KCTD16: variants seen among roughly 807,000 people sequenced by gnomAD.
KCTD16 encodes the protein BTB/POZ domain-containing protein KCTD16.
Under a neutral mutation model 33.2 loss-of-function variants are expected in KCTD16, and 13 were observed. That is an observed-to-expected ratio of 0.39 (90% CI 0.25 to 0.62). The LOEUF (loss-of-function observed/expected upper bound fraction) is 0.62, where lower values mean the gene tolerates loss of function less well. Among genes scored for constraint, KCTD16 ranks in the 20% least tolerant of loss-of-function variants. The probability of loss-of-function intolerance (pLI) is 0.50; values close to 1 mark genes in which losing one functional copy is unlikely to be tolerated. For missense variants in KCTD16, 441 were observed against 525.1 expected (o/e 0.84, Z 1.57); for synonymous variants, 197 against 195.3 (o/e 1.01, Z -0.07).
At chr5:144,339,562 T>C (rs1363562802) in intron 3 of KCTD16, among the ~76,000 whole-genome samples, 1 of 152,192 alleles carries the variant, frequency 6.6e-6, no homozygotes, top group Non-Finnish European at 1.5e-5. Context: ...TATGTTATTC[T>C]TTCTCCATAA....
At chr5:144,392,254 C>T (rs1157160298) in intron 3 of KCTD16, among the ~76,000 whole-genome samples, 2 of 152,058 alleles carry the variant, frequency 1.3e-5, no homozygotes, top group Non-Finnish European at 2.9e-5. Context: ...CCCATGAATT[C>T]AGGAAACATA....
chr5:144,442,909 G>T (rs563188405), intron 3 of KCTD16, among the ~76,000 whole-genome samples: 4 of 152,072 alleles, frequency 2.6e-5, no homozygotes, highest in South Asian at 2.1e-4. Context: ...TGTTGTTGTT[G>T]TTTTTTCCTT....
At chr5:144,384,281 C>T (rs1240046808) in intron 3 of KCTD16, 1 of 152,108 alleles carries the variant, frequency 6.6e-6, no homozygotes, top group Non-Finnish European at 1.5e-5. Context: ...ACTTCTTTGG[C>T]ACCCTTATAG....
intron 3 of KCTD16, among the ~76,000 whole-genome samples, chr5:144,356,187 G>T (rs1722290701): frequency 6.6e-6 from 1 of 152,124 alleles, no homozygotes; most frequent in Admixed American, 6.6e-5. Context: ...GCCTGGCTAT[G>T]TTTATTTTAC....
intron 3 of KCTD16, among the ~76,000 whole-genome samples, chr5:144,233,071 G>A (rs1190041311): frequency 6.6e-6 from 1 of 151,964 alleles, no homozygotes; most frequent in Non-Finnish European, 1.5e-5. Context: ...GGAAAACATG[G>A]AATTTTTTTT....
At chr5:144,386,147 T>G (rs1176095528) in intron 3 of KCTD16, among the ~76,000 whole-genome samples, 1 of 152,130 alleles carries the variant, frequency 6.6e-6, no homozygotes, top group Non-Finnish European at 1.5e-5. Context: ...AGGCAAATAA[T>G]CTTTAATCTC....
intron 3 of KCTD16, among the ~76,000 whole-genome samples, chr5:144,294,582 T>C (rs1045957764): frequency 1.3e-5 from 2 of 152,208 alleles, no homozygotes; most frequent in Non-Finnish European, 2.9e-5. Context: ...CAGCAATTTA[T>C]AGAATTGTGT....
intron 3 of KCTD16, among the ~76,000 whole-genome samples, chr5:144,320,050 AAT>A: frequency 6.6e-6 from 1 of 152,150 alleles, no homozygotes; most frequent in Non-Finnish European, 1.5e-5. Flanking sequence ...TACCAGGTAC[AAT>A]GACCTATTAG....
At chr5:144,464,753 CTCTTCCTCT>C (rs988551391) in intron 3 of KCTD16, among the ~76,000 whole-genome samples, 3 of 150,342 alleles carry the variant, frequency 2.0e-5, no homozygotes, top group African/African-American at 7.4e-5. Flanking sequence ...CTTCCTCTTC[CTCTTCCTCT>C]TCTTCTTCTT....
intron 3 of KCTD16, among the ~76,000 whole-genome samples, chr5:144,315,374 C>G (rs967441277): frequency 2.6e-5 from 4 of 152,076 alleles, no homozygotes; most frequent in Non-Finnish European, 2.9e-5. Context: ...TTTTATTTAT[C>G]TGTGCTAAAG....
At chr5:144,390,780 G>A (rs779472840) in intron 3 of KCTD16, among the ~76,000 whole-genome samples, 1 of 151,950 alleles carries the variant, frequency 6.6e-6, no homozygotes, top group Non-Finnish European at 1.5e-5. Context: ...TGGGGTGTTC[G>A]GTTTTCTGTT....
chr5:144,465,727 C>G (rs1754314481), intron 3 of KCTD16, among the ~76,000 whole-genome samples: 1 of 150,454 alleles, frequency 6.6e-6, no homozygotes, highest in Admixed American at 6.6e-5. Context: ...ACCTGCGTTT[C>G]TCATAAAATT....
Position 144,207,206 on chromosome 5 carries a change from T to C in KCTD16, c.492T>C (p.Gly164=). The change falls in exon 3 of 4, where the codon GGT becomes GGC. Residue 164 remains glycine (G), a synonymous_variant. Transcript: ENST00000512467. ...SSLLPADRKW[G]FITVGYRGSC... is the part of the protein sequence containing the mutation. ...TGCTCCCTGCCGACCGCAAGTGGGG[T>C]TTCATTACTGTGGGTTACAGAGGAT... 6.2e-7 allele frequency: 1 copy of C among 1,613,250 alleles called. No homozygotes were observed. The highest frequency in any genetic ancestry group is 1.1e-5 in the South Asian group (1 of 91,022).
intron 3 of KCTD16, among the ~76,000 whole-genome samples, chr5:144,300,805 G>C (rs2126870302): frequency 6.6e-6 from 1 of 152,252 alleles, no homozygotes; most frequent in African/African-American, 2.4e-5. Flanking sequence ...GAGTTTGCTA[G>C]GATAAGAGGA....
intron 3 of KCTD16, among the ~76,000 whole-genome samples, chr5:144,359,961 C>T (rs949699934): frequency 1.3e-5 from 2 of 152,086 alleles, no homozygotes; most frequent in East Asian, 3.9e-4. Context: ...AATCACAAAA[C>T]TTCTGTCCTT....
At chr5:144,416,674 T>C (rs925538043) in intron 3 of KCTD16, among the ~76,000 whole-genome samples, 5 of 152,288 alleles carry the variant, frequency 3.3e-5, no homozygotes, top group East Asian at 1.9e-4. Flanking sequence ...TTCAGTGGCA[T>C]TTAATATTGT....
chr5:144,299,923 C>CA (rs1399323933), intron 3 of KCTD16, among the ~76,000 whole-genome samples: 2 of 134,692 alleles, frequency 1.5e-5, no homozygotes, highest in Non-Finnish European at 3.2e-5. Flanking sequence ...AAACAAAAAA[C>CA]AAAAAACAAA....
chr5:144,379,637 T>G (rs543344425), intron 3 of KCTD16, among the ~76,000 whole-genome samples: 1 of 152,300 alleles, frequency 6.6e-6, no homozygotes, highest in Admixed American at 6.5e-5. Flanking sequence ...TTTCTTTGTA[T>G]GGGTATGACA....
At chr5:144,178,821 C>T (rs1752560653) in intron 2 of KCTD16, among the ~76,000 whole-genome samples, 1 of 152,108 alleles carries the variant, frequency 6.6e-6, no homozygotes, top group African/African-American at 2.4e-5. Context: ...TTATAATACA[C>T]TACATCCCCT....
Sources: allele counts gnomAD v4.1 joint callset (sites outside exome capture counted in the v4.1 genomes callset), GRCh38; gene constraint gnomAD v4.1.1; transcripts MANE v1.5; gene names NCBI Gene and HGNC (gene_info 2026-07-23, HGNC 2026-07-21).